CBX1: variants seen among roughly 807,000 people sequenced by gnomAD.
The protein encoded by CBX1 is chromobox 1.
CBX1 carries 10 observed loss-of-function variants against 25.1 expected under a neutral mutation model. That is an observed-to-expected ratio of 0.40 (90% confidence interval 0.25 to 0.68). The LOEUF is 0.68. CBX1 is among the 30% of genes least tolerant of loss of function. The pLI, the probability that CBX1 is intolerant of heterozygous loss-of-function variation, is 0.40. For missense variants in CBX1, 106 were observed against 218.5 expected, an observed-to-expected ratio of 0.49 and a Z score of 3.25; for synonymous variants, 63 against 79.4, an observed-to-expected ratio of 0.79 and a Z score of 1.10.
intron 4 of CBX1, among the ~76,000 whole-genome samples, chr17:48,074,274 T>C (rs1438957528): frequency 6.6e-6 from 1 of 152,216 alleles, no homozygotes; most frequent in Non-Finnish European, 1.5e-5. Flanking sequence ...GCTGCCTTCA[T>C]TGGCAATGGC....
chr17:48,090,807 T>C (rs996582607), intron 1 of CBX1, among the ~76,000 whole-genome samples: 3 of 152,244 alleles, frequency 2.0e-5, no homozygotes, highest in Non-Finnish European at 4.4e-5. Flanking sequence ...ATGCTCCTAT[T>C]GTATTCATTC....
At chr17:48,092,016 G>A (rs1358129073) in intron 1 of CBX1, among the ~76,000 whole-genome samples, 1 of 96,022 alleles carries the variant, frequency 1.0e-5, no homozygotes, top group Non-Finnish European at 1.9e-5. Context: ...TTGAGATGCA[G>A]TTTCACTCTT....
At chr17:48,083,732 G>A (rs569059247) in intron 1 of CBX1, among the ~76,000 whole-genome samples, 1 of 150,154 alleles carries the variant, frequency 6.7e-6, no homozygotes, top group South Asian at 2.1e-4. Flanking sequence ...GCTGAGGCAG[G>A]AGAATCGCTG....
At chr17:48,081,764 G>A (rs570722921) in intron 1 of CBX1, among the ~76,000 whole-genome samples, 1 of 152,162 alleles carries the variant, frequency 6.6e-6, no homozygotes, top group Non-Finnish European at 1.5e-5. Flanking sequence ...TTTAAGTACT[G>A]TCTTAAGAGC....
At chr17:48,094,509 G>A (rs77694071) in intron 1 of CBX1, among the ~76,000 whole-genome samples, 39,868 of 151,450 alleles carry the variant, frequency 0.26, 6,337 homozygotes, top group East Asian at 0.43. Flanking sequence ...GAGGTGGGTG[G>A]ATCCTTCAGG....
rs945273178 is a variant in CBX1, at chr17:48,101,389, T to C, written c.-159A>G. ...AGCCGGGTGGCCGCAGTGGCGTCCC[T>C]CACTGAAGCGGCGTACCGCAGGCCC... On this transcript the variant is annotated 5_prime_UTR_variant, in exon 1 of 5. Transcript: ENST00000225603. 7 of 985,520 alleles carry C rather than the reference T, an allele frequency of 7.1e-6. No individual in the cohort carries two copies. Among genetic ancestry groups the C allele is most frequent in the Non-Finnish European group, 3.6e-6 (3 of 830,088 alleles). The allele number at this position is 985,520 out of a possible 1,614,324, so 61.0% of individuals were successfully genotyped here. A position where few individuals can be genotyped will look rare whatever the true frequency, so the allele number is the denominator to read the frequency against.
intron 4 of CBX1, among the ~76,000 whole-genome samples, chr17:48,072,732 G>A (rs1438187945): frequency 1.3e-5 from 2 of 151,926 alleles, no homozygotes; most frequent in East Asian, 1.9e-4. Context: ...GCAGTGAGCC[G>A]AGATCATGCC....
intron 1 of CBX1, among the ~76,000 whole-genome samples, chr17:48,090,831 C>T (rs992558071): frequency 2.0e-5 from 3 of 152,192 alleles, no homozygotes; most frequent in African/African-American, 7.2e-5. Flanking sequence ...TAACAATTAT[C>T]TACTGGGCAC....
intron 1 of CBX1, among the ~76,000 whole-genome samples, chr17:48,097,906 A>G (rs757685521): frequency 6.6e-6 from 1 of 152,194 alleles, no homozygotes; most frequent in Non-Finnish European, 1.5e-5. Flanking sequence ...TACAAAGGAC[A>G]CAGAAGATTT....
chr17:48,098,277 A>AAACC (rs890642752), intron 1 of CBX1, among the ~76,000 whole-genome samples: 103 of 151,828 alleles, frequency 6.8e-4, no homozygotes, highest in Non-Finnish European at 1.3e-4. Context: ...ACAAACAAAC[A>AAACC]AACAAAAAGA....
In CBX1 at chr17:48,070,095, A is replaced by C. The variant is rs1464628585; in HGVS notation, c.*1340T>G. 6.5e-6 allele frequency: 1 copy of C among 152,684 alleles called. No individual in the cohort carries two copies. Among genetic ancestry groups the C allele is most frequent in the Non-Finnish European group, 1.5e-5 (1 of 68,050 alleles). The allele number at this position is 152,684 out of a possible 1,614,324, so 9.5% of individuals were successfully genotyped here. A position where few individuals can be genotyped will look rare whatever the true frequency, so the allele number is the denominator to read the frequency against. ...TAGTTTTATTAAGACAAAAACTGAC[A>C]ATGTAGTATGAAGTTTACATTTAAA... On this transcript the variant is annotated 3_prime_UTR_variant, in exon 5 of 5. Transcript: ENST00000225603.
intron 1 of CBX1, among the ~76,000 whole-genome samples, chr17:48,098,105 G>A (rs911909696): frequency 6.6e-6 from 1 of 152,038 alleles, no homozygotes; most frequent in Non-Finnish European, 1.5e-5. Context: ...CAAAAAAGAA[G>A]CCATGCATGG....
At chr17:48,090,208 G>A (rs1032792281) in intron 1 of CBX1, among the ~76,000 whole-genome samples, 1 of 151,982 alleles carries the variant, frequency 6.6e-6, no homozygotes, top group Admixed American at 6.6e-5. Flanking sequence ...GGCTATTTGT[G>A]ACAAAAATTT....
chr17:48,101,216 G>A (rs903716010), intron 1 of CBX1, 52 bp downstream of exon 1: 90 of 989,994 alleles, frequency 9.1e-5, no homozygotes, highest in Non-Finnish European at 1.0e-4. Context: ...TCCCGCCGCC[G>A]CCGCCGCCGC....
intron 4 of CBX1, 78 bp from the exon 5 acceptor site, chr17:48,071,657 G>T: frequency 1.6e-6 from 2 of 1,259,006 alleles, no homozygotes; most frequent in Non-Finnish European, 2.1e-6. Flanking sequence ...AGGGGACAGT[G>T]CTTTAAAAAT....
chr17:48,087,850 G>A (rs1026031292), intron 1 of CBX1, among the ~76,000 whole-genome samples: 13 of 130,660 alleles, frequency 9.9e-5, no homozygotes, highest in African/African-American at 3.9e-4. Context: ...CCAGAGCCTG[G>A]CAACAGAGCG....
At chr17:48,075,356 G>GC (rs34257896) in intron 3 of CBX1, among the ~76,000 whole-genome samples, 3 of 151,938 alleles carry the variant, frequency 2.0e-5, no homozygotes, top group Non-Finnish European at 4.4e-5. Context: ...CACCACGTCA[G>GC]CTAATTTTTT....
At chr17:48,084,609 T>G (rs1242140122) in intron 1 of CBX1, among the ~76,000 whole-genome samples, 2 of 149,542 alleles carry the variant, frequency 1.3e-5, no homozygotes, top group Non-Finnish European at 2.9e-5. Context: ...GCCTACTCAT[T>G]TATTATTTAC....
intron 1 of CBX1, among the ~76,000 whole-genome samples, chr17:48,080,951 A>AATATATATATATATATATAT (rs1323670486): frequency 1.8e-4 from 6 of 33,274 alleles, no homozygotes; most frequent in Non-Finnish European, 1.6e-4. Context: ...AAAAAAAAAA[A>AATATATATATATATATATAT]ATATATATAT....
Sources: allele counts gnomAD v4.1 joint callset (sites outside exome capture counted in the v4.1 genomes callset), GRCh38; gene constraint gnomAD v4.1.1; transcripts MANE v1.5; gene names NCBI Gene and HGNC (gene_info 2026-07-23, HGNC 2026-07-21).